The following GABRR2 variants were observed in gnomAD, a reference collection of about 807,000 sequenced individuals.
GABRR2 encodes gamma-aminobutyric acid receptor subunit rho-2.
Under a neutral mutation model 47.0 loss-of-function variants are expected in GABRR2, and 36 were observed. The observed-to-expected ratio is 0.77, with a 90% CI of 0.59 to 1.01. The LOEUF (loss-of-function observed/expected upper bound fraction) is 1.01, where lower values mean the gene tolerates loss of function less well. Among genes scored for constraint, GABRR2 ranks in the 50% least tolerant of loss-of-function variants. The pLI is 0.00. For synonymous variants in GABRR2, 204 were observed against 227.5 expected, an observed-to-expected ratio of 0.90 and a Z score of 0.93; for missense variants, 587 against 594.6, an observed-to-expected ratio of 0.99 and a Z score of 0.13.
intron 1 of GABRR2, among the ~76,000 whole-genome samples, chr6:89,307,568 T>C (rs1448466816): frequency 2.0e-5 from 3 of 152,152 alleles, no homozygotes. Flanking sequence ...AGGATAAGCC[T>C]TAATCTAATG....
intron 1 of GABRR2, among the ~76,000 whole-genome samples, chr6:89,306,705 T>G (rs1252004447): frequency 1.3e-5 from 2 of 152,142 alleles, no homozygotes; most frequent in African/African-American, 4.8e-5. Flanking sequence ...CAGATCATTT[T>G]CTTCACCACA....
chr6:89,283,417 T>C (rs1774284635), intron 2 of GABRR2, among the ~76,000 whole-genome samples: 1 of 152,088 alleles, frequency 6.6e-6, no homozygotes, highest in African/African-American at 2.4e-5. Flanking sequence ...AAATAAAGTA[T>C]GATAGATCCA....
intron 2 of GABRR2, among the ~76,000 whole-genome samples, chr6:89,282,789 C>T (rs1213758159): frequency 6.6e-6 from 1 of 152,252 alleles, no homozygotes; most frequent in Non-Finnish European, 1.5e-5. Flanking sequence ...AGGCTTCAGA[C>T]CGAAGTGGAG....
At chr6:89,270,301 C>A in intron 3 of GABRR2, 1 of 152,382 alleles carries the variant, frequency 6.6e-6, no homozygotes. Context: ...GTATGGCTAC[C>A]TTGGATGTTA....
At chr6:89,267,974 G>A in intron 5 of GABRR2, 40 bp downstream of exon 5, 2 of 1,594,064 alleles carry the variant, frequency 1.3e-6, no homozygotes, top group Non-Finnish European at 1.7e-6. Flanking sequence ...AAAGATCAGA[G>A]AGGAAAGAAA....
intron 8 of GABRR2, among the ~76,000 whole-genome samples, chr6:89,260,274 G>A (rs1196375308): frequency 6.6e-6 from 1 of 152,096 alleles, no homozygotes; most frequent in East Asian, 1.9e-4. Context: ...ATTATCATTG[G>A]GGGGTTATTT....
intron 2 of GABRR2, among the ~76,000 whole-genome samples, chr6:89,286,564 A>C (rs1344273265): frequency 2.0e-5 from 3 of 152,124 alleles, no homozygotes; most frequent in Non-Finnish European, 4.4e-5. Context: ...TCAAAGCAGA[A>C]AACAAAATGA....
intron 2 of GABRR2, among the ~76,000 whole-genome samples, chr6:89,282,611 G>C (rs1035117610): frequency 1.1e-4 from 16 of 152,202 alleles, no homozygotes; most frequent in Non-Finnish European, 2.9e-5. Context: ...ATATATAGGA[G>C]TAGCATAGGG....
At chr6:89,275,402 T>C (rs1774140850) in intron 2 of GABRR2, among the ~76,000 whole-genome samples, 1 of 151,996 alleles carries the variant, frequency 6.6e-6, no homozygotes, top group South Asian at 2.1e-4. Flanking sequence ...GCCTCCCAAG[T>C]AGCTGGGATT....
At position 89,257,597 on chromosome 6, in the gene GABRR2, C is replaced by A; in HGVS notation, c.*73G>T. 3 of 1,251,374 alleles carry A rather than the reference C, an allele frequency of 2.4e-6. No homozygotes were observed. The highest frequency in any genetic ancestry group is 3.3e-6 in the Non-Finnish European group (3 of 899,596). 77.5% of individuals were successfully genotyped at this position (1,251,374 alleles called of 1,614,324 possible). On this transcript the variant is annotated 3_prime_UTR_variant, in exon 9 of 9. Transcript: ENST00000402938. ...TGTTTGGTGAGGGGCGTGTGGTCAA[C>A]AAGTCCGTCTGTCAATGACTGGCCA...
rs80077539 is a variant in GABRR2, at chr6:89,255,496, T to A, written c.*2174A>T. ...ATGCCCTGTACCACCCAATTACCCA[T>A]ATTTATGCATTTTTGTTCTTCATTG... On this transcript the variant is annotated 3_prime_UTR_variant, in exon 9 of 9. Transcript: ENST00000402938. Among the ~76,000 whole-genome samples, 2,215 of 152,150 alleles carry A rather than the reference T, an allele frequency of 0.015. 74 individuals are homozygous for A. Among genetic ancestry groups the A allele is most frequent in the African/African-American group, 0.051 (2,126 of 41,512 alleles).
chr6:89,281,750 T>TA (rs1334938182), intron 2 of GABRR2, among the ~76,000 whole-genome samples: 5 of 152,276 alleles, frequency 3.3e-5, no homozygotes, highest in African/African-American at 1.2e-4. Context: ...AATCCTTGCT[T>TA]GCTGGCTGGT....
In GABRR2 at chr6:89,255,050, A is replaced by G. The variant is rs1322441022; in HGVS notation, c.*2620T>C. 2.6e-5 allele frequency among the ~76,000 whole-genome samples: 4 copies of G among 152,248 alleles called. No individual in the cohort carries two copies. In the East Asian group the frequency reaches 7.7e-4, roughly 29 times the overall value. On this transcript the variant is annotated 3_prime_UTR_variant, in exon 9 of 9. Coordinates refer to ENST00000402938, the MANE Select transcript of GABRR2 (RefSeq NM_002043.5). ...AGAAGCAGAGAAGGGTTGGAATTAA[A>G]TAAGACTTACAAGCAAAGCAATATG...
chr6:89,288,119 G>T (rs1178673812), intron 2 of GABRR2, among the ~76,000 whole-genome samples: 1 of 152,188 alleles, frequency 6.6e-6, no homozygotes, highest in Non-Finnish European at 1.5e-5. Flanking sequence ...ACCTAGGTGA[G>T]ACTTGGTAAT....
chr6:89,289,830 T>G (rs1242937714), intron 2 of GABRR2, among the ~76,000 whole-genome samples: 1 of 152,184 alleles, frequency 6.6e-6, no homozygotes, highest in Non-Finnish European at 1.5e-5. Context: ...GGCCAGAAAG[T>G]CCAAGAGCAT....
chr6:89,305,253 G>T (rs778772547), intron 1 of GABRR2, among the ~76,000 whole-genome samples: 1 of 152,236 alleles, frequency 6.6e-6, no homozygotes, highest in Non-Finnish European at 1.5e-5. Context: ...TACACAGGAG[G>T]CTGAGGCATG....
intron 8 of GABRR2, among the ~76,000 whole-genome samples, chr6:89,263,403 A>T (rs1175581020): frequency 3.9e-5 from 6 of 152,224 alleles, no homozygotes; most frequent in African/African-American, 1.4e-4. Context: ...GGAGGAGCCA[A>T]AAGTTATACT....
intron 2 of GABRR2, among the ~76,000 whole-genome samples, chr6:89,293,763 C>T (rs892037354): frequency 7.2e-5 from 11 of 152,068 alleles, no homozygotes; most frequent in Non-Finnish European, 1.6e-4. Flanking sequence ...TTCCAGACTG[C>T]GCAACAGAGC....
At position 89,315,232 on chromosome 6, in the gene GABRR2, CT is replaced by C. The variant is rs1216100266; in HGVS notation, c.-68del. ...CTGTGGCAGAGCAAATCCCCCCTGG[CT>C]TGACCATTGATCCATCTGCTGCCTC... On this transcript the variant is annotated 5_prime_UTR_variant, in exon 1 of 9. Transcript: ENST00000402938. The C allele has an allele frequency of 6.2e-7, 1 of 1,608,368 alleles. No homozygotes were observed. Among genetic ancestry groups the C allele is most frequent in the Non-Finnish European group, 8.5e-7 (1 of 1,176,650 alleles).
Sources: gnomAD v4.1 joint callset for allele counts (sites outside exome capture counted in the v4.1 genomes callset) on GRCh38, gnomAD v4.1.1 for gene constraint, MANE v1.5 for transcripts, NCBI Gene and HGNC (gene_info 2026-07-23, HGNC 2026-07-21) for gene names.